SMAP1: variants seen among roughly 807,000 people sequenced by gnomAD.
SMAP1 encodes small ArfGAP 1.
SMAP1 carries 24 observed loss-of-function variants against 58.5 expected under a neutral mutation model. The observed-to-expected ratio is 0.41, with a 90% CI of 0.30 to 0.58. The LOEUF (loss-of-function observed/expected upper bound fraction) is 0.58, where lower values mean the gene tolerates loss of function less well. Among genes scored for constraint, SMAP1 ranks in the 20% least tolerant of loss-of-function variants. SMAP1 has a pLI of 0.29. For synonymous variants in SMAP1, 216 were observed against 196.6 expected (o/e 1.10, Z -0.82); for missense variants, 563 against 566.3 (o/e 0.99, Z 0.06).
At chr6:70,674,529 A>G (rs896778821) in intron 1 of SMAP1, among the ~76,000 whole-genome samples, 1 of 152,206 alleles carries the variant, frequency 6.6e-6, no homozygotes, top group Non-Finnish European at 1.5e-5. Context: ...CTTGGAGGCC[A>G]TTTTGTAGTT....
At chr6:70,735,313 A>C (rs534789751) in intron 2 of SMAP1, among the ~76,000 whole-genome samples, 1 of 152,288 alleles carries the variant, frequency 6.6e-6, no homozygotes, top group East Asian at 1.9e-4. Context: ...GGCATACACT[A>C]CACTGATTTC....
intron 6 of SMAP1, among the ~76,000 whole-genome samples, chr6:70,805,524 G>A (rs1340146666): frequency 8.5e-5 from 13 of 152,152 alleles, no homozygotes; most frequent in Non-Finnish European, 1.9e-4. Context: ...AAGTCATTCT[G>A]CATCCAGCTT....
intron 5 of SMAP1, among the ~76,000 whole-genome samples, chr6:70,798,104 T>C (rs1337373422): frequency 3.3e-5 from 5 of 152,116 alleles, no homozygotes; most frequent in African/African-American, 1.2e-4. Context: ...AACATTATTT[T>C]TTTCATGAGA....
intron 3 of SMAP1, among the ~76,000 whole-genome samples, chr6:70,766,844 T>C (rs1767010695): frequency 6.6e-6 from 1 of 152,360 alleles, no homozygotes; most frequent in East Asian, 1.9e-4. Context: ...TGAATGATAA[T>C]GCCTAGGTTT....
Position 70,668,038 on chromosome 6 carries a change from C to A in SMAP1, c.15C>A (p.Ser5=). 6.2e-7 allele frequency: 1 copy of A among 1,601,078 alleles called. No individual in the cohort carries two copies. The highest frequency in any genetic ancestry group is 1.1e-5 in the South Asian group (1 of 89,686). Residue 5 remains serine (S), a synonymous_variant, in exon 1 of 11, where the codon TCC becomes TCA. Coordinates refer to ENST00000370455, the MANE Select transcript of SMAP1 (RefSeq NM_001044305.3). ...CCGCTGCCGAGATGGCGACGCGCTC[C>A]TGTCGGGAGAAGGCTCAGAAGCTGA... The part of the protein sequence containing the change: MATR[S]CREKAQKLNE...
chr6:70,856,664 T>TAAG (rs1268557446), intron 8 of SMAP1, 195 bp from the exon 9 acceptor site: 3 of 449,132 alleles, frequency 6.7e-6, no homozygotes, highest in Non-Finnish European at 1.2e-5. Context: ...AGATTCAAAT[T>TAAG]AAGAAGTACT....
intron 6 of SMAP1, among the ~76,000 whole-genome samples, chr6:70,802,974 T>G (rs1222500792): frequency 2.0e-5 from 3 of 152,200 alleles, no homozygotes; most frequent in Non-Finnish European, 2.9e-5. Flanking sequence ...TCTCTTTTTT[T>G]GTTGTGTCTC....
chr6:70,693,063 G>A lies in SMAP1; in HGVS notation c.118+24922G>A, dbSNP rs555573883. ...CTCCCAAAGTGCTGGGATTACAGGCGTGAGCCACTGCGCCCAGCCTATGTG... is the reference window on the plus strand; with the variant it reads ...CTCCCAAAGTGCTGGGATTACAGGCATGAGCCACTGCGCCCAGCCTATGTG... On this transcript the variant is annotated intron_variant, in intron 1 of 10. Transcript: ENST00000370455. Among the ~76,000 whole-genome samples, 7 of 151,638 alleles carry A rather than the reference G, an allele frequency of 4.6e-5. No individual in the cohort carries two copies. The South Asian group carries it at 6.3e-4, about 14-fold the overall frequency.
At chr6:70,684,903 A>G (rs1766871383) in intron 1 of SMAP1, among the ~76,000 whole-genome samples, 1 of 152,200 alleles carries the variant, frequency 6.6e-6, no homozygotes, top group Non-Finnish European at 1.5e-5. Flanking sequence ...TTGAAGGCTC[A>G]GCTCTCCCAC....
chr6:70,698,166 A>T (rs949405019), intron 1 of SMAP1, among the ~76,000 whole-genome samples: 2 of 152,056 alleles, frequency 1.3e-5, no homozygotes, highest in African/African-American at 4.8e-5. Context: ...GGATATTTTC[A>T]CTTGATATGC....
intron 3 of SMAP1, among the ~76,000 whole-genome samples, chr6:70,760,250 A>G (rs191622505): frequency 2.6e-5 from 4 of 152,064 alleles, no homozygotes; most frequent in Non-Finnish European, 5.9e-5. Context: ...TGGATTAACT[A>G]TATATTTGCT....
At chr6:70,683,217 C>T (rs1277619254) in intron 1 of SMAP1, among the ~76,000 whole-genome samples, 4 of 136,062 alleles carry the variant, frequency 2.9e-5, no homozygotes, top group Non-Finnish European at 6.1e-5. Flanking sequence ...GTCGCCCAGG[C>T]TGGAGTGCAG....
chr6:70,718,819 CAAAAAAAA>C (rs5877259), intron 1 of SMAP1, among the ~76,000 whole-genome samples: 1 of 57,546 alleles, frequency 1.7e-5, no homozygotes, highest in African/African-American at 8.2e-5. Flanking sequence ...GACTCCATCT[CAAAAAAAA>C]AAAAAAAAAA....
rs539350484 is a variant in SMAP1, at chr6:70,802,586, T to G, written c.576+3849T>G. 3.9e-5 allele frequency among the ~76,000 whole-genome samples: 6 copies of G among 152,310 alleles called. No homozygotes were observed. In the East Asian group the frequency reaches 1.2e-3, roughly 29 times the overall value. On this transcript the variant is annotated intron_variant, in intron 6 of 10. Transcript: ENST00000370455. The stretch of plus-strand genomic sequence containing the variant: ...AGAGGGCATCCTTGTCTTGTTCCGG[T>G]TTTCAAAGGAAATGCTTCCAGTTTT...
intron 1 of SMAP1, among the ~76,000 whole-genome samples, chr6:70,693,407 G>T (rs554573525): frequency 4.0e-5 from 6 of 148,670 alleles, no homozygotes; most frequent in African/African-American, 1.5e-4. Context: ...AGGTTCAAGC[G>T]ATTCTCCTGC....
chr6:70,668,766 G>A (rs1766144985), intron 1 of SMAP1: 3 of 1,525,318 alleles, frequency 2.0e-6, no homozygotes, highest in African/African-American at 1.4e-5. Context: ...GTCTTTATTA[G>A]TAGTAGTATT....
At chr6:70,853,993 C>T (rs1376117015) in intron 8 of SMAP1, among the ~76,000 whole-genome samples, 1 of 152,142 alleles carries the variant, frequency 6.6e-6, no homozygotes, top group Non-Finnish European at 1.5e-5. Context: ...AGTTAGATCC[C>T]ACCTCTGAGG....
chr6:70,734,149 T>G (rs1315216643), intron 2 of SMAP1, among the ~76,000 whole-genome samples: 1 of 39,424 alleles, frequency 2.5e-5, no homozygotes, highest in Non-Finnish European at 6.1e-5. Context: ...TCTTCCCATC[T>G]TTTTTTTTTT....
chr6:70,856,925 A>G lies in SMAP1; in HGVS notation c.856A>G (p.Thr286Ala). 6.2e-7 allele frequency: 1 copy of G among 1,614,002 alleles called. No homozygotes were observed. The highest frequency in any genetic ancestry group is 8.5e-7 in the Non-Finnish European group (1 of 1,179,890). The change falls in exon 9 of 11, where the codon ACT (threonine) becomes GCT (alanine). Residue 286 changes from threonine (T) to alanine (A), a missense_variant. Physicochemically the swap from Thr to Ala is moderately conservative, Grantham distance 58. Around this residue, in one of 3 missense-constraint regions of SMAP1, gnomAD observed 494 missense variants for 473.8 expected, o/e 1.04. Coordinates refer to ENST00000370455, the MANE Select transcript of SMAP1 (RefSeq NM_001044305.3). ...AACATCTGGGGATCTAGATTTATTC[A>G]CTGAGCAAACTACAAAATCAGAAGA... The part of the protein sequence containing the change: ...TVTSGDLDLF[T>A]EQTTKSEEVA...
Sources: gnomAD v4.1 joint callset for allele counts (sites outside exome capture counted in the v4.1 genomes callset) on GRCh38, gnomAD v4.1.1 for gene constraint, gnomAD v4.1.1 regional missense constraint, MANE v1.5 for transcripts, NCBI Gene and HGNC (gene_info 2026-07-23, HGNC 2026-07-21) for gene names.